GDNF: variants seen among roughly 807,000 people sequenced by gnomAD.
GDNF encodes glial cell derived neurotrophic factor.
Under a neutral mutation model 13.7 loss-of-function variants are expected in GDNF, and 5 were observed. The observed-to-expected ratio is 0.36, with a 90% confidence interval of 0.19 to 0.77. The LOEUF is 0.77. Ranked by LOEUF, GDNF falls within the 30% of genes least tolerant of loss-of-function variation. The pLI is 0.51. For synonymous variants in GDNF, 122 were observed against 112.5 expected (o/e 1.08, Z -0.53); for missense variants, 246 against 274.3 (o/e 0.90, Z 0.73).
chr5:37,834,511 A>T, intron 2 of GDNF, 135 bp downstream of exon 2: 2 of 804,286 alleles, frequency 2.5e-6, no homozygotes, highest in Non-Finnish European at 3.7e-6. Flanking sequence ...GGGCTTCAGC[A>T]CCCGCACCCC....
chr5:37,833,002 A>C (rs917421018), intron 2 of GDNF, among the ~76,000 whole-genome samples: 13 of 152,268 alleles, frequency 8.5e-5, no homozygotes, highest in Admixed American at 5.2e-4. Context: ...TTTATGGTAC[A>C]GTTCATTGAG....
rs71604877 is a variant in GDNF, at chr5:37,813,560, C to CTTT, written c.*2088_*2090dup. On this transcript the variant is annotated 3_prime_UTR_variant, in exon 3 of 3. Coordinates refer to ENST00000326524, the MANE Select transcript of GDNF (RefSeq NM_000514.4). Reference sequence around the variant, plus strand: ...CCTATGCTTCCTCCTGCTCCAACCTCTTTTTTTTTTTTTTTTTTTTTTTGA... The same window carrying CTTT: ...CCTATGCTTCCTCCTGCTCCAACCTCTTTTTTTTTTTTTTTTTTTTTTTTTTGA... The CTTT allele has an allele frequency of 0.015, 1,322 of 86,970 alleles. 81 individuals carry two copies. Among genetic ancestry groups the CTTT allele is most frequent in the African/African-American group, 0.039 (788 of 20,450 alleles). The allele number at this position is 86,970 out of a possible 1,614,324, so 5.4% of individuals were successfully genotyped here. A position where few individuals can be genotyped will look rare whatever the true frequency, so the allele number is the denominator to read the frequency against.
chr5:37,823,791 TG>T (rs1437312687), intron 2 of GDNF, among the ~76,000 whole-genome samples: 2 of 152,250 alleles, frequency 1.3e-5, no homozygotes, highest in Non-Finnish European at 2.9e-5. Context: ...CAGTGCTCTC[TG>T]GGGCCTTTTC....
intron 2 of GDNF, among the ~76,000 whole-genome samples, chr5:37,820,993 A>C (rs2111656007): frequency 6.6e-6 from 1 of 152,342 alleles, no homozygotes; most frequent in East Asian, 1.9e-4. Context: ...GAATTCTGGA[A>C]GCCAGGAAAG....
chr5:37,825,018 G>A (rs1750258839), intron 2 of GDNF, among the ~76,000 whole-genome samples: 2 of 152,186 alleles, frequency 1.3e-5, no homozygotes, highest in African/African-American at 4.8e-5. Context: ...CAACCAGAAT[G>A]CAAATCACTT....
chr5:37,832,461 T>G (rs1439854505), intron 2 of GDNF, among the ~76,000 whole-genome samples: 3 of 152,242 alleles, frequency 2.0e-5, no homozygotes, highest in Non-Finnish European at 2.9e-5. Context: ...TGGCTTAGAA[T>G]GCAGCTCAGT....
Position 37,815,514 on chromosome 5 carries a change from C to T in GDNF, c.*137G>A. 3 of 791,162 alleles carry T rather than the reference C, an allele frequency of 3.8e-6. 1 individual carries two copies. The South Asian group carries it at 4.6e-5, about 12-fold the overall frequency. 49.0% of individuals were successfully genotyped at this position (791,162 alleles called of 1,614,324 possible). On this transcript the variant is annotated 3_prime_UTR_variant, in exon 3 of 3. Transcript: ENST00000326524. This position sits in a 1 kb window ranked among gnomAD's most constrained non-coding sequence, Gnocchi z 5.0. The stretch of plus-strand genomic sequence containing the variant: ...CCTCCTCCTCCTCCTCCTCCTCCTC[C>T]TCCTCCTCTTCTTCTTCCTCCTCCT...
At chr5:37,819,966 C>CA (rs199652752) in intron 2 of GDNF, among the ~76,000 whole-genome samples, 421 of 149,632 alleles carry the variant, frequency 2.8e-3, no homozygotes, top group African/African-American at 9.2e-3. Flanking sequence ...TGCCCAGTTT[C>CA]AAAAAAAAAC....
At chr5:37,835,631 T>A in intron 1 of GDNF, 1 of 1,549,490 alleles carries the variant, frequency 6.5e-7, no homozygotes. Context: ...GTAAATGCTT[T>A]ACCATTGCTG....
At chr5:37,835,238 C>T (rs1273247626) in intron 1 of GDNF, among the ~76,000 whole-genome samples, 2 of 152,048 alleles carry the variant, frequency 1.3e-5, no homozygotes, top group Non-Finnish European at 2.9e-5. Flanking sequence ...AGAGACCTCC[C>T]CTTCTTGTCC....
chr5:37,828,941 A>G (rs1432207581), intron 2 of GDNF, among the ~76,000 whole-genome samples: 1 of 152,280 alleles, frequency 6.6e-6, no homozygotes, highest in East Asian at 1.9e-4. Context: ...TGCTTACGGC[A>G]TAGGCCCCAC....
At chr5:37,821,219 G>T (rs78245960) in intron 2 of GDNF, among the ~76,000 whole-genome samples, 2 of 152,168 alleles carry the variant, frequency 1.3e-5, no homozygotes, top group African/African-American at 4.8e-5. Context: ...AACTCCTGGT[G>T]ATGAGCTGAA....
chr5:37,827,751 T>G (rs1443174129), intron 2 of GDNF, among the ~76,000 whole-genome samples: 1 of 152,246 alleles, frequency 6.6e-6, no homozygotes, highest in South Asian at 2.1e-4. Flanking sequence ...TGATTTGGGC[T>G]GATTAGTTTG....
intron 2 of GDNF, 81 bp from the exon 3 acceptor site, chr5:37,816,216 A>T: frequency 1.4e-6 from 2 of 1,442,726 alleles, no homozygotes. Flanking sequence ...GTGCCCCCCT[A>T]AAGTCAGCAA....
At chr5:37,828,224 C>T (rs957140853) in intron 2 of GDNF, among the ~76,000 whole-genome samples, 3 of 152,198 alleles carry the variant, frequency 2.0e-5, no homozygotes, top group African/African-American at 7.2e-5. Context: ...CAAGGCCTCC[C>T]GAATGCTGTC....
Position 37,816,016 on chromosome 5 carries a change from G to C in GDNF, c.271C>G (p.Arg91Gly), listed in dbSNP as rs775157679. The change falls in exon 3 of 3, where the codon CGG becomes GGG. Residue 91 changes from arginine (R) to glycine (G), a missense_variant. Physicochemically the swap from Arg to Gly is moderately radical, Grantham distance 125. Coordinates refer to ENST00000326524, the MANE Select transcript of GDNF (RefSeq NM_000514.4). ...KQMAVLPRRE[R>G]NRQAAAANPE... ...TTGGCAGCTGCAGCCTGCCGATTCC[G>C]CTCTCTTCTAGGAAGCACTGCCATT... is the stretch of plus-strand genomic sequence containing the variant. The C allele has an allele frequency of 1.2e-6, 2 of 1,613,614 alleles. No individual in the cohort carries two copies. The highest frequency in any genetic ancestry group is 1.7e-6 in the Non-Finnish European group (2 of 1,179,676).
rs1252102414 is a variant in GDNF at position 37,839,032 on chromosome 5, TC to T, written c.-27+474del. ...TTCTCAGCACCTTTGCAGCAGCCCC[TC>T]CCCCGGCCTGCGCTTTTCCTTGGCA... On this transcript the variant is annotated intron_variant, in intron 1 of 2. Transcript: ENST00000326524. This position sits in a 1 kb window ranked among gnomAD's most constrained non-coding sequence, Gnocchi z 5.5. Among the ~76,000 whole-genome samples the T allele has an allele frequency of 1.3e-5, 2 of 151,980 alleles. No homozygotes were observed. Among genetic ancestry groups the T allele is most frequent in the African/African-American group, 4.8e-5 (2 of 41,380 alleles).
In GDNF at chr5:37,815,501, C is replaced by T; in HGVS notation, c.*150G>A. 1.4e-6 allele frequency: 1 copy of T among 723,554 alleles called. No individual in the cohort carries two copies. The highest frequency in any genetic ancestry group is 2.4e-6 in the Non-Finnish European group (1 of 413,754). 44.8% of individuals were successfully genotyped at this position (723,554 alleles called of 1,614,324 possible). ...TGATGGCTGCCTTCCTCCTCCTCCT[C>T]CTCCTCCTCCTCCTCCTCCTCTTCT... On this transcript the variant is annotated 3_prime_UTR_variant, in exon 3 of 3. Transcript: ENST00000326524. The surrounding 1 kb of genome is among the most constrained non-coding windows in gnomAD (Gnocchi z 5.0).
Position 37,818,376 on chromosome 5 carries a change from T to C in GDNF, c.152-2241A>G, listed in dbSNP as rs116724452. ...AGTCTCATGAGACCTGATTGTTTTA[T>C]AAAGTGCAGTTCCCCTGCCTGCCTA... On this transcript the variant is annotated intron_variant, in intron 2 of 2. Transcript: ENST00000326524. Among the ~76,000 whole-genome samples the C allele has an allele frequency of 4.6e-3, 701 of 152,320 alleles. 2 individuals are homozygous for C. The highest frequency in any genetic ancestry group is 0.016 in the African/African-American group (667 of 41,572).
Sources: gnomAD v4.1 joint callset for allele counts (sites outside exome capture counted in the v4.1 genomes callset) on GRCh38, gnomAD v4.1.1 for gene constraint, Gnocchi (gnomAD v3.1) non-coding constraint, MANE v1.5 for transcripts, NCBI Gene and HGNC (gene_info 2026-07-23, HGNC 2026-07-21) for gene names.